The following CACNB2 variants were observed in gnomAD, a reference collection of about 807,000 sequenced individuals.
The protein encoded by CACNB2 is voltage-dependent L-type calcium channel subunit beta-2.
Under a neutral mutation model 73.3 loss-of-function variants are expected in CACNB2, and 42 were observed. The observed-to-expected ratio is 0.57, with a 90% CI of 0.45 to 0.74. The LOEUF (loss-of-function observed/expected upper bound fraction) is 0.74. CACNB2 is among the 30% of genes least tolerant of loss of function. The pLI is 0.00. For synonymous variants in CACNB2, 348 were observed against 310.3 expected (o/e 1.12, Z -1.28); for missense variants, 940 against 853.0 (o/e 1.10, Z -1.27).
At chr10:18,145,206 G>C (rs1166232798) in intron 1 of CACNB2, among the ~76,000 whole-genome samples, 1 of 152,204 alleles carries the variant, frequency 6.6e-6, no homozygotes, top group Non-Finnish European at 1.5e-5. Flanking sequence ...ATCCTGAATG[G>C]CTGTAGCAAG....
chr10:18,342,810 A>T (rs2132080516), intron 2 of CACNB2, among the ~76,000 whole-genome samples: 1 of 152,180 alleles, frequency 6.6e-6, no homozygotes, highest in Non-Finnish European at 1.5e-5. Flanking sequence ...AATGGAGATA[A>T]TTTTTTAAAT....
In CACNB2 at chr10:18,386,686, G is replaced by A. The variant is rs7904043; in HGVS notation, c.214-15238G>A. 4.4e-3 allele frequency among the ~76,000 whole-genome samples: 668 copies of A among 152,258 alleles called. 4 individuals carry two copies. The highest frequency in any genetic ancestry group is 7.5e-3 in the Admixed American group (115 of 15,290). On this transcript the variant is annotated intron_variant, in intron 2 of 13. Coordinates refer to ENST00000324631, the MANE Select transcript of CACNB2 (RefSeq NM_201596.3). ...CTCCCAAAGTCCTGGGATTACAGGC[G>A]TGAGCCACTGCGCCCTGCCTTTATT...
At chr10:18,243,541 G>A (rs1387153409) in intron 2 of CACNB2, among the ~76,000 whole-genome samples, 5 of 152,184 alleles carry the variant, frequency 3.3e-5, no homozygotes, top group South Asian at 2.1e-4. Flanking sequence ...ATGAGGTAAC[G>A]TTGGGAGCTG....
chr10:18,182,041 G>A (rs2033912353), intron 2 of CACNB2: 1 of 152,230 alleles, frequency 6.6e-6, no homozygotes, highest in South Asian at 2.1e-4. Context: ...CAAAGAATAG[G>A]TCTGCAGGGC....
At chr10:18,399,183 G>T (rs2043864719) in intron 2 of CACNB2, among the ~76,000 whole-genome samples, 1 of 152,024 alleles carries the variant, frequency 6.6e-6, no homozygotes, top group Admixed American at 6.5e-5. Flanking sequence ...TGGGGACAGG[G>T]GCCCCTTATG....
chr10:18,456,452 A>G (rs1269148421), intron 3 of CACNB2, among the ~76,000 whole-genome samples: 2 of 152,174 alleles, frequency 1.3e-5, no homozygotes, highest in African/African-American at 4.8e-5. Context: ...TGACAGAGCA[A>G]GACTCCATCT....
intron 12 of CACNB2, 82 bp downstream of exon 12, chr10:18,536,278 G>A (rs61839359): frequency 1.2e-5 from 5 of 414,812 alleles, no homozygotes; most frequent in Non-Finnish European, 1.8e-5. Flanking sequence ...TTTTTTGGGG[G>A]ACAAGGTCTT....
intron 2 of CACNB2, among the ~76,000 whole-genome samples, chr10:18,243,056 T>C (rs553375451): frequency 8.6e-4 from 130 of 151,152 alleles, no homozygotes; most frequent in Middle Eastern, 6.8e-3. Context: ...CTTGAACATA[T>C]ATTGAGATAA....
At chr10:18,371,800 C>G (rs1315781330) in intron 2 of CACNB2, among the ~76,000 whole-genome samples, 2 of 152,194 alleles carry the variant, frequency 1.3e-5, no homozygotes, top group African/African-American at 4.8e-5. Context: ...AATGGTTGAA[C>G]TAGTTTACAG....
At chr10:18,220,974 C>G (rs909828511) in intron 2 of CACNB2, among the ~76,000 whole-genome samples, 1 of 152,110 alleles carries the variant, frequency 6.6e-6, no homozygotes, top group Admixed American at 6.5e-5. Flanking sequence ...TGAATGGTTC[C>G]CTTTTATAGA....
intron 3 of CACNB2, among the ~76,000 whole-genome samples, chr10:18,454,538 C>T (rs912983): frequency 0.1 from 15,296 of 152,190 alleles, 914 homozygotes; most frequent in Admixed American, 0.17. Flanking sequence ...AAACGTTTGC[C>T]CCCTTGGGGA....
intron 3 of CACNB2, among the ~76,000 whole-genome samples, chr10:18,479,211 C>T (rs1356857637): frequency 6.6e-6 from 1 of 152,062 alleles, no homozygotes; most frequent in Non-Finnish European, 1.5e-5. Context: ...TATTATATAA[C>T]ATATATAATC....
Position 18,307,821 on chromosome 10 carries a change from TAATG to T in CACNB2, c.214-94100_214-94097del, listed in dbSNP as rs1161016821. ...AACATAAAAATGTTCAAATCAATGATAATGAAAGAAATATAATTAATTCAAACAT... is the reference window on the plus strand; with the variant it reads ...AACATAAAAATGTTCAAATCAATGATAAAGAAATATAATTAATTCAAACAT... On this transcript the variant is annotated intron_variant, in intron 2 of 13. Coordinates refer to ENST00000324631, the MANE Select transcript of CACNB2 (RefSeq NM_201596.3). 4.6e-5 allele frequency among the ~76,000 whole-genome samples: 7 copies of T among 152,064 alleles called. No individual in the cohort carries two copies. In the East Asian group the frequency reaches 1.2e-3, roughly 25 times the overall value.
At chr10:18,315,522 A>AC (rs1200058505) in intron 2 of CACNB2, among the ~76,000 whole-genome samples, 2 of 131,864 alleles carry the variant, frequency 1.5e-5, no homozygotes, top group African/African-American at 2.9e-5. Flanking sequence ...AAAAAAAAAA[A>AC]AAAAAACTTT....
chr10:18,428,869 T>C (rs1488707057), intron 3 of CACNB2, among the ~76,000 whole-genome samples: 5 of 152,340 alleles, frequency 3.3e-5, no homozygotes, highest in Non-Finnish European at 7.3e-5. Flanking sequence ...CATTTAAGGC[T>C]GATAACTCCT....
chr10:18,279,772 C>T (rs1195999346), intron 2 of CACNB2, among the ~76,000 whole-genome samples: 1 of 152,164 alleles, frequency 6.6e-6, no homozygotes, highest in Middle Eastern at 3.2e-3. Context: ...CTAGCTTGAG[C>T]TAAAGAAAAC....
intron 2 of CACNB2, among the ~76,000 whole-genome samples, chr10:18,281,424 C>A (rs1005184039): frequency 6.6e-6 from 1 of 152,136 alleles, no homozygotes; most frequent in African/African-American, 2.4e-5. Context: ...AGGGGATTGC[C>A]GTCTAATTAG....
rs376640520 is a variant in CACNB2 at position 18,250,547 on chromosome 10, T to G, written c.213+99572T>G. On this transcript the variant is annotated intron_variant, in intron 2 of 13. Transcript: ENST00000324631. ...TTTATCTCTCTCTTTTTTTTTTTTT[T>G]GAAAGTTGTCCATTCTAAATGTAGA... Among the ~76,000 whole-genome samples the G allele has an allele frequency of 1.4e-3, 217 of 150,436 alleles. 2 individuals are homozygous for G. The highest frequency in any genetic ancestry group is 2.5e-3 in the Non-Finnish European group (166 of 67,404).
In CACNB2 at chr10:18,156,874, GA is replaced by G. The variant is rs397697859; in HGVS notation, c.213+5914del. Among the ~76,000 whole-genome samples, 721 of 142,410 alleles carry G rather than the reference GA, an allele frequency of 5.1e-3. 1 individual carries two copies. Among genetic ancestry groups the G allele is most frequent in the African/African-American group, 0.014 (527 of 38,830 alleles). The allele number at this position is 142,410 out of a possible 152,430, so 93.4% of individuals were successfully genotyped here. A position where few individuals can be genotyped will look rare whatever the true frequency, so the allele number is the denominator to read the frequency against. On this transcript the variant is annotated intron_variant, in intron 2 of 13. Transcript: ENST00000324631. Reference sequence around the variant, plus strand: ...AGAAACCCTGTCTCTACTAAAAGTAGAAAAAAAAAAAAAAATTGGCTGGGTG... The same window carrying G: ...AGAAACCCTGTCTCTACTAAAAGTAGAAAAAAAAAAAAAATTGGCTGGGTG...
Sources: allele counts gnomAD v4.1 joint callset (sites outside exome capture counted in the v4.1 genomes callset), GRCh38; gene constraint gnomAD v4.1.1; transcripts MANE v1.5; gene names NCBI Gene and HGNC (gene_info 2026-07-23, HGNC 2026-07-21).